Variants in CDKL5 observed in about 807,000 individuals in gnomAD.
CDKL5 encodes cyclin-dependent kinase-like 5.
In CDKL5, 8 loss-of-function variants were observed where a neutral mutation model predicts 61.7. That is an observed-to-expected ratio of 0.13 (90% CI 0.08 to 0.23). The LOEUF is 0.23. Among genes scored for constraint, CDKL5 ranks in the 10% least tolerant of loss-of-function variants. The pLI, the probability that CDKL5 is intolerant of heterozygous loss-of-function variation, is 1.00. For synonymous variants in CDKL5, 275 were observed against 272.3 expected (o/e 1.01, Z -0.10); for missense variants, 440 against 734.5 (o/e 0.60, Z 4.63).
At chrX:18,503,660 G>A (rs1009764477) in intron 1 of CDKL5, among the ~76,000 whole-genome samples, 18 of 111,524 alleles carry the variant, frequency 1.6e-4, no homozygotes, top group African/African-American at 5.5e-4. Flanking sequence ...TTCTGTTTTC[G>A]TTTCCCTCTT....
intron 4 of CDKL5, among the ~76,000 whole-genome samples, chrX:18,566,974 A>G (rs1176215162): frequency 9.0e-6 from 1 of 111,611 alleles, no homozygotes; most frequent in African/African-American, 3.3e-5. Flanking sequence ...ACATACTTCT[A>G]GAGGGATACT....
intron 3 of CDKL5, among the ~76,000 whole-genome samples, chrX:18,527,026 G>A (rs1216739569): frequency 4.5e-5 from 5 of 110,802 alleles, no homozygotes; most frequent in Admixed American, 1.9e-4. Flanking sequence ...CAGGTGATCC[G>A]CCCGCCTCAG....
intron 9 of CDKL5, chrX:18,588,789 C>G (rs1925725439): frequency 9.1e-6 from 1 of 109,806 alleles, no homozygotes; most frequent in South Asian, 4.0e-4. Flanking sequence ...AGGTGCACAC[C>G]TGTAGTCCCA....
intron 1 of CDKL5, among the ~76,000 whole-genome samples, chrX:18,429,336 C>T (rs1366723906): frequency 1.8e-5 from 2 of 111,429 alleles, no homozygotes; most frequent in Non-Finnish European, 3.8e-5. Flanking sequence ...GGTGTGGTCT[C>T]TCTTTTGGGC....
intron 9 of CDKL5, among the ~76,000 whole-genome samples, chrX:18,592,994 A>G (rs1274323918): frequency 1.8e-5 from 2 of 112,393 alleles, no homozygotes; most frequent in Non-Finnish European, 3.8e-5. Flanking sequence ...ATTTTGAATG[A>G]TGCCAGGAAG....
At chrX:18,551,358 T>C (rs972408140) in intron 3 of CDKL5, among the ~76,000 whole-genome samples, 1 of 109,271 alleles carries the variant, frequency 9.2e-6, no homozygotes, top group African/African-American at 3.3e-5. Flanking sequence ...TCAGCCAGCG[T>C]CCCTTCAGGC....
downstream of CDKL5, among the ~76,000 whole-genome samples, chrX:18,643,865 G>A (rs958591538): frequency 2.7e-5 from 3 of 110,257 alleles, no homozygotes; most frequent in Non-Finnish European, 5.7e-5. Flanking sequence ...AGTCTACTGC[G>A]TTTAGTCAAT....
Position 18,647,245 on chromosome X carries a change from C to G in CDKL5, c.2797+1155C>G, listed in dbSNP as rs373612815. On this transcript the variant is annotated intron_variant, in intron 20 of 21. Transcript: ENST00000379989. Reference sequence around the variant, plus strand: ...GTTTGCAGTCCACGAAGAATACCAGCCCACATACTGCTCCGGGTTAGAGCA... The same window carrying G: ...GTTTGCAGTCCACGAAGAATACCAGGCCACATACTGCTCCGGGTTAGAGCA... The G allele has an allele frequency of 8.3e-7, 1 of 1,210,830 alleles. No individual in the cohort carries two copies. The highest frequency in any genetic ancestry group is 1.1e-6 in the Non-Finnish European group (1 of 895,123).
chrX:18,561,097 C>T (rs1311990741), intron 3 of CDKL5, among the ~76,000 whole-genome samples: 1 of 111,480 alleles, frequency 9.0e-6, no homozygotes, highest in African/African-American at 3.3e-5. Context: ...TACAAGAAGA[C>T]ACTTTATTCC....
At chrX:18,611,391 C>T (rs778818665) in intron 14 of CDKL5, among the ~76,000 whole-genome samples, 4 of 105,908 alleles carry the variant, frequency 3.8e-5, no homozygotes, top group East Asian at 3.0e-4. Context: ...GCCAAAACCG[C>T]GCCACTGCAC....
intron 19 of CDKL5, chrX:18,645,879 T>G: frequency 9.2e-7 from 1 of 1,091,767 alleles, no homozygotes; most frequent in Non-Finnish European, 1.2e-6. Flanking sequence ...CCCTTGCAAC[T>G]AGATGGGGCC....
chrX:18,516,080 C>T (rs1329613128), intron 3 of CDKL5, among the ~76,000 whole-genome samples: 2 of 109,837 alleles, frequency 1.8e-5, no homozygotes, highest in African/African-American at 3.3e-5. Flanking sequence ...CTCCGCTTCC[C>T]GGGTTCAAAC....
At chrX:18,623,812 C>T (rs2075132739) in intron 16 of CDKL5, 2 of 601,896 alleles carry the variant, frequency 3.3e-6, no homozygotes, top group African/African-American at 5.1e-5. Context: ...CTTCCAAGGG[C>T]TAGTAGTTTC....
In CDKL5 at chrX:18,570,474, C is replaced by T. The variant is rs535256022; in HGVS notation, c.146-4880C>T. Among the ~76,000 whole-genome samples the T allele has an allele frequency of 8.0e-5, 9 of 111,812 alleles. No individual in the cohort carries two copies. In the South Asian group the frequency reaches 3.0e-3, roughly 37 times the overall value. On this transcript the variant is annotated intron_variant, in intron 4 of 17. Coordinates refer to ENST00000623535, the MANE Select transcript of CDKL5 (RefSeq NM_001323289.2). ...GCACTAGCATTCAAACTCCCTCAGC[C>T]ACATTGTCTGTCTATTGATGTCCCT...
chrX:18,504,801 C>T (rs912228057), intron 1 of CDKL5, among the ~76,000 whole-genome samples: 4 of 109,692 alleles, frequency 3.6e-5, no homozygotes, highest in South Asian at 7.9e-4. Flanking sequence ...GGCATGGTGG[C>T]GCGTGCCTGT....
chrX:18,567,268 A>C lies in CDKL5; in HGVS notation c.145+2746A>C, dbSNP rs182971345. On this transcript the variant is annotated intron_variant, in intron 4 of 17. Coordinates refer to ENST00000623535, the MANE Select transcript of CDKL5 (RefSeq NM_001323289.2). ...CCCCTGGGTAAACCATTTAATTCTC[A>C]ATCAGTTTATTAAATTTTAGCCAAT... is the stretch of plus-strand genomic sequence containing the variant. 2.0e-3 allele frequency among the ~76,000 whole-genome samples: 223 copies of C among 111,717 alleles called. 1 individual carries two copies. The highest frequency in any genetic ancestry group is 3.4e-3 in the Non-Finnish European group (180 of 53,125).
At chrX:18,521,913 G>A (rs1027340239) in intron 3 of CDKL5, among the ~76,000 whole-genome samples, 4 of 112,245 alleles carry the variant, frequency 3.6e-5, no homozygotes. Context: ...CTGTCTTTAT[G>A]TCAGCACTTC....
chrX:18,610,632 T>C (rs1926519682), intron 14 of CDKL5, among the ~76,000 whole-genome samples: 1 of 113,181 alleles, frequency 8.8e-6, no homozygotes, highest in Non-Finnish European at 1.9e-5. Context: ...AAAATGTACT[T>C]TGTTATTTAG....
rs181010651 is a variant in CDKL5, at chrX:18,580,513, C to A, written c.403+545C>A. ...GAAAAGTGCCCGTTGTCTGCAGTTG[C>A]AGGCATGATCAACCTTGCATAAAGG... On this transcript the variant is annotated intron_variant, in intron 6 of 17. Transcript: ENST00000623535. 1.4e-4 allele frequency among the ~76,000 whole-genome samples: 16 copies of A among 111,691 alleles called. No homozygotes were observed. In the East Asian group the frequency reaches 4.5e-3, roughly 31 times the overall value.
Sources: allele counts gnomAD v4.1 joint callset (sites outside exome capture counted in the v4.1 genomes callset), GRCh38; gene constraint gnomAD v4.1.1; transcripts MANE v1.5; gene names NCBI Gene and HGNC (gene_info 2026-07-23, HGNC 2026-07-21).